Variants in LRFN5 observed in about 807,000 individuals in gnomAD.
LRFN5 encodes the protein leucine rich repeat and fibronectin type III domain containing 5.
Under a neutral mutation model 45.6 loss-of-function variants are expected in LRFN5, and 24 were observed. The observed-to-expected ratio is 0.53, with a 90% CI of 0.38 to 0.74. The LOEUF (loss-of-function observed/expected upper bound fraction) is 0.74. Among genes scored for constraint, LRFN5 ranks in the 30% least tolerant of loss-of-function variants. The pLI is 0.00. For synonymous variants in LRFN5, 340 were observed against 313.8 expected, an observed-to-expected ratio of 1.08 and a Z score of -0.88; for missense variants, 776 against 861.5, an observed-to-expected ratio of 0.90 and a Z score of 1.24.
intron 1 of LRFN5, among the ~76,000 whole-genome samples, chr14:41,689,894 C>CAA (rs10572529): frequency 2.9e-3 from 235 of 81,668 alleles, no homozygotes; most frequent in Middle Eastern, 8.5e-3. Flanking sequence ...GACTCCGTCT[C>CAA]AAAAAAAAAA....
chr14:41,791,151 C>T (rs1394591635), intron 2 of LRFN5, among the ~76,000 whole-genome samples: 1 of 151,460 alleles, frequency 6.6e-6, no homozygotes, highest in Non-Finnish European at 1.5e-5. Flanking sequence ...ATATTTTTTT[C>T]CTTAATACCA....
chr14:41,812,166 T>A (rs1156613822), intron 2 of LRFN5, among the ~76,000 whole-genome samples: 1 of 152,080 alleles, frequency 6.6e-6, no homozygotes, highest in Non-Finnish European at 1.5e-5. Context: ...TAAACTGAGT[T>A]ATTACCTTAC....
intron 1 of LRFN5, among the ~76,000 whole-genome samples, chr14:41,715,448 T>A (rs962647601): frequency 3.3e-5 from 5 of 152,220 alleles, no homozygotes; most frequent in African/African-American, 1.2e-4. Context: ...TCTGTTCTTT[T>A]TAAACCTCTT....
intron 2 of LRFN5, among the ~76,000 whole-genome samples, chr14:41,853,905 G>C (rs12895180): frequency 0.13 from 20,131 of 151,894 alleles, 1,427 homozygotes; most frequent in East Asian, 0.22. Flanking sequence ...ATGATTTACT[G>C]GTTTCTTATT....
At chr14:41,634,739 G>C (rs112385018) in intron 1 of LRFN5, among the ~76,000 whole-genome samples, 1,729 of 151,972 alleles carry the variant, frequency 0.011, 39 homozygotes, top group African/African-American at 0.04. Context: ...GTAGGGTTTG[G>C]GTCTGTTTTA....
chr14:41,871,799 T>C (rs748180607), intron 2 of LRFN5, among the ~76,000 whole-genome samples: 1 of 152,250 alleles, frequency 6.6e-6, no homozygotes, highest in Non-Finnish European at 1.5e-5. Flanking sequence ...ATTTATTATC[T>C]CTTATCACAG....
At chr14:41,610,962 T>C (rs1451455843) in intron 1 of LRFN5, among the ~76,000 whole-genome samples, 2 of 152,140 alleles carry the variant, frequency 1.3e-5, no homozygotes, top group East Asian at 1.9e-4. Flanking sequence ...AACTCATACC[T>C]ATCTAGAGAG....
intron 2 of LRFN5, among the ~76,000 whole-genome samples, chr14:41,885,208 C>T (rs1413757731): frequency 6.6e-6 from 1 of 150,484 alleles, no homozygotes; most frequent in Non-Finnish European, 1.5e-5. Flanking sequence ...ATCTGTAGTC[C>T]CATCTACTCA....
At chr14:41,822,424 G>C (rs1038011397) in intron 2 of LRFN5, among the ~76,000 whole-genome samples, 1 of 151,924 alleles carries the variant, frequency 6.6e-6, no homozygotes, top group Non-Finnish European at 1.5e-5. Context: ...TTCAAGAGCA[G>C]GTTGTTTAAT....
intron 1 of LRFN5, among the ~76,000 whole-genome samples, chr14:41,659,488 T>G (rs1880533358): frequency 6.6e-6 from 1 of 152,158 alleles, no homozygotes; most frequent in Admixed American, 6.6e-5. Flanking sequence ...TATTTGCTAT[T>G]GTGAATAGTG....
At chr14:41,842,877 G>T (rs1888910410) in intron 2 of LRFN5, among the ~76,000 whole-genome samples, 1 of 152,070 alleles carries the variant, frequency 6.6e-6, no homozygotes, top group South Asian at 2.1e-4. Flanking sequence ...TGGAAATTAT[G>T]CTGAACGCCT....
chr14:41,787,793 G>T (rs114019255), intron 2 of LRFN5, among the ~76,000 whole-genome samples: 3 of 151,164 alleles, frequency 2.0e-5, no homozygotes, highest in Non-Finnish European at 2.9e-5. Context: ...TTATGATGCC[G>T]CAGTATCTTC....
chr14:41,654,399 T>C (rs2138625804), intron 1 of LRFN5, among the ~76,000 whole-genome samples: 1 of 152,160 alleles, frequency 6.6e-6, no homozygotes, highest in South Asian at 2.1e-4. Context: ...ATGTACATAG[T>C]ATGTACATAG....
chr14:41,720,368 T>C (rs1036261809), intron 1 of LRFN5, among the ~76,000 whole-genome samples: 5 of 152,154 alleles, frequency 3.3e-5, no homozygotes, highest in African/African-American at 9.7e-5. Context: ...TCCATGTCTT[T>C]GCTATTGTTA....
intron 1 of LRFN5, among the ~76,000 whole-genome samples, chr14:41,629,862 T>G (rs577677526): frequency 6.6e-6 from 1 of 152,164 alleles, no homozygotes; most frequent in African/African-American, 2.4e-5. Context: ...CTTTGAGAAG[T>G]TGTTTTTTCT....
At chr14:41,655,476 C>T (rs958132396) in intron 1 of LRFN5, among the ~76,000 whole-genome samples, 1 of 151,896 alleles carries the variant, frequency 6.6e-6, no homozygotes, top group African/African-American at 2.4e-5. Context: ...AAAGAGAGGC[C>T]TGATCAAGAG....
chr14:41,777,605 T>C (rs1886336250), intron 2 of LRFN5, among the ~76,000 whole-genome samples: 1 of 151,888 alleles, frequency 6.6e-6, no homozygotes, highest in Non-Finnish European at 1.5e-5. Context: ...TATTAAATTT[T>C]CCTTATATTA....
At chr14:41,780,149 T>A (rs180883644) in intron 2 of LRFN5, among the ~76,000 whole-genome samples, 1,631 of 151,958 alleles carry the variant, frequency 0.011, 26 homozygotes, top group African/African-American at 0.037. Flanking sequence ...TTAGTTAAAA[T>A]TTTTTTTAAG....
intron 2 of LRFN5, among the ~76,000 whole-genome samples, chr14:41,791,687 A>G (rs1162992818): frequency 6.6e-6 from 1 of 152,052 alleles, no homozygotes; most frequent in Non-Finnish European, 1.5e-5. Flanking sequence ...CAGCTTTTTT[A>G]CTGATAAAAG....
Sources: allele counts gnomAD v4.1 joint callset (sites outside exome capture counted in the v4.1 genomes callset), GRCh38; gene constraint gnomAD v4.1.1; transcripts MANE v1.5; gene names NCBI Gene and HGNC (gene_info 2026-07-23, HGNC 2026-07-21).